The following CDON variants were observed in gnomAD, a reference collection of about 807,000 sequenced individuals.
CDON encodes cell adhesion associated, oncogene regulated, also known as cell adhesion molecule-related/down-regulated by oncogenes.
In CDON, 73 loss-of-function variants were observed where a neutral mutation model predicts 120.9. The ratio of observed to expected loss-of-function variants is 0.60; its 90% CI spans 0.50 to 0.73. The LOEUF is 0.73. CDON is among the 30% of genes least tolerant of loss of function. The pLI is 0.00. For synonymous variants in CDON, 566 were observed against 573.5 expected, an observed-to-expected ratio of 0.99 and a Z score of 0.19; for missense variants, 1,470 against 1,587.3, an observed-to-expected ratio of 0.93 and a Z score of 1.26.
chr11:125,966,287 G>T (rs1945798652), intron 18 of CDON, among the ~76,000 whole-genome samples: 1 of 152,130 alleles, frequency 6.6e-6, no homozygotes, highest in Admixed American at 6.5e-5. Context: ...TTTTAACAGA[G>T]AACTAGAATC....
At chr11:125,993,425 A>C (rs1946688817) in intron 14 of CDON, among the ~76,000 whole-genome samples, 1 of 143,182 alleles carries the variant, frequency 7.0e-6, no homozygotes, top group Admixed American at 7.0e-5. Flanking sequence ...ACACACACAC[A>C]ACCACGTGCT....
rs367985086 is a variant in CDON at position 125,964,962 on chromosome 11, C to T, written c.3357-2964G>A. Among the ~76,000 whole-genome samples the T allele has an allele frequency of 1.3e-3, 193 of 152,252 alleles. 1 individual carries two copies. The highest frequency in any genetic ancestry group is 2.4e-3 in the African/African-American group (100 of 41,554). On this transcript the variant is annotated intron_variant, in intron 18 of 19. Transcript: ENST00000531738. ...TTGTTTTTGAGAAGGAGTCTCGCTCCGTTGCCCAGGCTGGAGTGCAATGGA... is the reference window on the plus strand; with the variant it reads ...TTGTTTTTGAGAAGGAGTCTCGCTCTGTTGCCCAGGCTGGAGTGCAATGGA...
At chr11:126,003,002 T>G (rs1204413183) in intron 10 of CDON, among the ~76,000 whole-genome samples, 1 of 152,122 alleles carries the variant, frequency 6.6e-6, no homozygotes, top group Non-Finnish European at 1.5e-5. Context: ...CTACTTCCCC[T>G]CCTTCATGTC....
At chr11:126,047,174 A>C (rs1050608365) in intron 1 of CDON, among the ~76,000 whole-genome samples, 3 of 152,174 alleles carry the variant, frequency 2.0e-5, no homozygotes, top group African/African-American at 7.2e-5. Context: ...ATCTCTTATA[A>C]AAATCAGTGT....
At chr11:126,052,834 A>G in intron 1 of CDON, among the ~76,000 whole-genome samples, 1 of 152,234 alleles carries the variant, frequency 6.6e-6, no homozygotes, top group Admixed American at 6.5e-5. Flanking sequence ...AAAAAAAAAA[A>G]AAAATTAAAA....
chr11:125,984,017 TC>T lies in CDON; in HGVS notation c.2849del (p.Gly950GlufsTer18). The T allele has an allele frequency of 1.2e-6, 2 of 1,614,048 alleles. No individual in the cohort carries two copies. Among genetic ancestry groups the T allele is most frequent in the Non-Finnish European group, 1.7e-6 (2 of 1,179,974 alleles). On this transcript the variant is annotated frameshift_variant, in exon 16 of 20. Coordinates refer to ENST00000531738, the MANE Select transcript of CDON (RefSeq NM_001378964.1). LOFTEE classifies it high-confidence loss of function. ...STPPNSLGSG[G>X]NVGPATSPAR... ...CAGGGCTGGTTGCAGGCCCCACATT[TC>T]CTCCACTTCCCAAAGAATTTGGAGG...
At chr11:126,056,504 G>T (rs142801520) in intron 1 of CDON, among the ~76,000 whole-genome samples, 1 of 152,162 alleles carries the variant, frequency 6.6e-6, no homozygotes, top group South Asian at 2.1e-4. Context: ...AATGTCTCCT[G>T]AGAGAAAAAT....
chr11:125,974,224 T>C (rs184433061), intron 18 of CDON, among the ~76,000 whole-genome samples: 86 of 152,034 alleles, frequency 5.7e-4, no homozygotes, highest in Non-Finnish European at 1.1e-3. Flanking sequence ...AAAAGATATG[T>C]CTCCCCTATT....
At chr11:125,966,852 T>A (rs1945814723) in intron 18 of CDON, among the ~76,000 whole-genome samples, 1 of 151,030 alleles carries the variant, frequency 6.6e-6, no homozygotes, top group Non-Finnish European at 1.5e-5. Flanking sequence ...TAACTGCCAA[T>A]CTAGAAGTCA....
intron 7 of CDON, chr11:126,014,852 C>T (rs1947414230): frequency 6.0e-6 from 1 of 167,824 alleles, no homozygotes; most frequent in African/African-American, 2.4e-5. Context: ...TTATAAAATG[C>T]ACACACACTC....
At chr11:125,982,133 T>C (rs59891161) in intron 16 of CDON, among the ~76,000 whole-genome samples, 2,246 of 140,992 alleles carry the variant, frequency 0.016, 58 homozygotes, top group African/African-American at 0.055. Flanking sequence ...TGCCACCACA[T>C]CCGGCTAATT....
intron 1 of CDON, among the ~76,000 whole-genome samples, chr11:126,028,187 C>A (rs757702249): frequency 7.9e-5 from 12 of 151,864 alleles, no homozygotes; most frequent in Non-Finnish European, 1.3e-4. Flanking sequence ...AATACATAAA[C>A]GTATAAAAAG....
chr11:125,965,998 G>C (rs1005204851), intron 18 of CDON, among the ~76,000 whole-genome samples: 1 of 152,090 alleles, frequency 6.6e-6, no homozygotes, highest in Non-Finnish European at 1.5e-5. Flanking sequence ...TTAGCCAGGC[G>C]TGGTGGCGCA....
chr11:126,023,575 A>C, intron 1 of CDON, 38 bp from the exon 2 acceptor site: 1 of 913,456 alleles, frequency 1.1e-6, no homozygotes, highest in Non-Finnish European at 1.8e-6. Context: ...AAACCATTGA[A>C]ATCTTTCGTC....
At position 126,001,711 on chromosome 11, in the gene CDON, CTTT is replaced by C; in HGVS notation, c.2158+5_2158+7del. Reference sequence around the variant, plus strand: ...TGTAAAGAAACAATAAAATATTCTTCTTTTTACCTCCACTGTGCCTAGAGGAAT... The same window carrying C: ...TGTAAAGAAACAATAAAATATTCTTCTTACCTCCACTGTGCCTAGAGGAAT... On this transcript the variant is annotated splice_donor_5th_base_variant and intron_variant, in intron 11 of 19. Coordinates refer to ENST00000531738, the MANE Select transcript of CDON (RefSeq NM_001378964.1). 2 of 1,612,650 alleles carry C rather than the reference CTTT, an allele frequency of 1.2e-6. No individual in the cohort carries two copies. The highest frequency in any genetic ancestry group is 1.7e-6 in the Non-Finnish European group (2 of 1,178,912).
chr11:126,013,326 T>C (rs1280438304), intron 7 of CDON, among the ~76,000 whole-genome samples: 3 of 152,226 alleles, frequency 2.0e-5, no homozygotes, highest in Non-Finnish European at 2.9e-5. Context: ...GGTTCTGGAA[T>C]CAAGACTGGA....
chr11:125,964,869 C>G (rs1237626909), intron 18 of CDON, among the ~76,000 whole-genome samples: 1 of 152,186 alleles, frequency 6.6e-6, no homozygotes, highest in Non-Finnish European at 1.5e-5. Context: ...ATCAAAAGAT[C>G]AGAAATATCT....
chr11:126,029,370 T>C (rs1346069539), intron 1 of CDON, among the ~76,000 whole-genome samples: 1 of 152,170 alleles, frequency 6.6e-6, no homozygotes, highest in East Asian at 1.9e-4. Context: ...TATTATATAG[T>C]AGAATAAGGA....
At chr11:125,998,966 CA>C (rs1946865010) in intron 11 of CDON, among the ~76,000 whole-genome samples, 1 of 152,100 alleles carries the variant, frequency 6.6e-6, no homozygotes, top group Admixed American at 6.5e-5. Context: ...CCTTCCACCT[CA>C]ACATGTCTTC....
Sources: gnomAD v4.1 joint callset for allele counts (sites outside exome capture counted in the v4.1 genomes callset) on GRCh38, gnomAD v4.1.1 for gene constraint, MANE v1.5 for transcripts, NCBI Gene and HGNC (gene_info 2026-07-23, HGNC 2026-07-21) for gene names.